Variants in EPHA5 observed in about 807,000 individuals in gnomAD.
EPHA5 encodes EPH receptor A5.
In EPHA5, 60 loss-of-function variants were observed where a neutral mutation model predicts 105.0. That is an observed-to-expected ratio of 0.57 (90% CI 0.46 to 0.71). The LOEUF (loss-of-function observed/expected upper bound fraction) is 0.71. Among genes scored for constraint, EPHA5 ranks in the 30% least tolerant of loss-of-function variants. The probability of loss-of-function intolerance (pLI) is 0.00; values close to 1 mark genes in which losing one functional copy is unlikely to be tolerated. For synonymous variants in EPHA5, 513 were observed against 449.1 expected, an observed-to-expected ratio of 1.14 and a Z score of -1.80; for missense variants, 1,218 against 1,274.7, an observed-to-expected ratio of 0.96 and a Z score of 0.68.
intron 2 of EPHA5, among the ~76,000 whole-genome samples, chr4:65,624,584 G>C (rs1745974596): frequency 6.6e-6 from 1 of 151,992 alleles, no homozygotes; most frequent in African/African-American, 2.4e-5. Flanking sequence ...TCATTCATAA[G>C]GAACATTAAA....
intron 1 of EPHA5, among the ~76,000 whole-genome samples, chr4:65,668,243 C>A (rs1467656242): frequency 6.6e-6 from 1 of 152,120 alleles, no homozygotes; most frequent in African/African-American, 2.4e-5. Context: ...ATCAGCTCAG[C>A]GCCTTCTCCT....
At chr4:65,505,137 A>C (rs1273022828) in intron 3 of EPHA5, among the ~76,000 whole-genome samples, 3 of 152,102 alleles carry the variant, frequency 2.0e-5, no homozygotes, top group African/African-American at 7.2e-5. Flanking sequence ...AATTGGAAAG[A>C]AGTATTTCTG....
intron 5 of EPHA5, among the ~76,000 whole-genome samples, chr4:65,435,888 T>TA (rs1302747174): frequency 2.0e-5 from 3 of 152,094 alleles, no homozygotes; most frequent in African/African-American, 4.8e-5. Context: ...CATCTCCAAT[T>TA]AAATACCTGC....
rs1036039120 is a variant in EPHA5 at position 65,404,616 on chromosome 4, C to T, written c.1688-137G>A. The T allele has an allele frequency of 2.1e-5, 14 of 657,308 alleles. No individual in the cohort carries two copies. In the African/African-American group the frequency reaches 2.2e-4, roughly 10 times the overall value. 40.7% of individuals were successfully genotyped at this position (657,308 alleles called of 1,614,324 possible). A position where few individuals can be genotyped will look rare whatever the true frequency, so the allele number is the denominator to read the frequency against. On this transcript the variant is annotated intron_variant, in intron 7 of 16. Transcript: ENST00000613740. ...CTTAGCTGAAATTTCCCCTAATATC[C>T]TTTCTTAAAAGTGTGTAATTGAAAA...
rs1183115662 is a variant in EPHA5 at position 65,519,525 on chromosome 4, C to A, written c.911-23982G>T. Among the ~76,000 whole-genome samples, 3 of 152,038 alleles carry A rather than the reference C, an allele frequency of 2.0e-5. No homozygotes were observed. The East Asian group carries it at 5.8e-4, about 30-fold the overall frequency. ...TCAACATAGTGTTGGAAGTTCTGGC[C>A]AGGGCAATTAGGCAGGAGAAGGAAA... On this transcript the variant is annotated intron_variant, in intron 3 of 16. Transcript: ENST00000613740.
At chr4:65,466,387 A>G (rs1451855305) in intron 5 of EPHA5, among the ~76,000 whole-genome samples, 1 of 152,246 alleles carries the variant, frequency 6.6e-6, no homozygotes, top group Non-Finnish European at 1.5e-5. Context: ...TTGGGAGACG[A>G]GGTCAGTCAA....
At chr4:65,375,746 G>A (rs1005172559) in intron 8 of EPHA5, among the ~76,000 whole-genome samples, 1 of 150,384 alleles carries the variant, frequency 6.6e-6, no homozygotes, top group African/African-American at 2.4e-5. Flanking sequence ...ACAATTCAAT[G>A]ACCATTTTTA....
At chr4:65,627,890 G>T (rs1280190108) in intron 2 of EPHA5, among the ~76,000 whole-genome samples, 1 of 151,842 alleles carries the variant, frequency 6.6e-6, no homozygotes, top group Non-Finnish European at 1.5e-5. Flanking sequence ...TTTCAAATCA[G>T]TCAAAAAAAT....
At chr4:65,559,086 A>G (rs1246584289) in intron 3 of EPHA5, among the ~76,000 whole-genome samples, 7 of 152,150 alleles carry the variant, frequency 4.6e-5, no homozygotes, top group Non-Finnish European at 1.0e-4. Flanking sequence ...CAAAATTAAG[A>G]AAAGTAAACA....
Position 65,394,075 on chromosome 4 carries a change from T to C in EPHA5, c.1793+10299A>G, listed in dbSNP as rs375289832. On this transcript the variant is annotated intron_variant, in intron 8 of 16. Coordinates refer to ENST00000613740, the MANE Select transcript of EPHA5 (RefSeq NM_001281766.3). ...GGGTTCACAAAGTCAGGAATGACCA[T>C]GGAGTTGGTGACATTTAATTTGCAT... 7.2e-5 allele frequency among the ~76,000 whole-genome samples: 11 copies of C among 152,296 alleles called. 1 individual carries two copies. The South Asian group carries it at 2.1e-3, about 29-fold the overall frequency.
At chr4:65,501,780 G>A (rs540940466) in intron 3 of EPHA5, among the ~76,000 whole-genome samples, 26 of 149,654 alleles carry the variant, frequency 1.7e-4, no homozygotes, top group Non-Finnish European at 2.8e-4. Flanking sequence ...AACAAAATGC[G>A]CCCAAATAGC....
At chr4:65,378,977 C>T (rs11726788) in intron 8 of EPHA5, among the ~76,000 whole-genome samples, 10,268 of 151,824 alleles carry the variant, frequency 0.068, 706 homozygotes, top group African/African-American at 0.17. Context: ...TGAACAATTA[C>T]TGGTTGTTAA....
At chr4:65,666,098 C>CT (rs200873560) in intron 1 of EPHA5, among the ~76,000 whole-genome samples, 129 of 151,750 alleles carry the variant, frequency 8.5e-4, no homozygotes, top group East Asian at 2.7e-3. Flanking sequence ...CTAAAACAAA[C>CT]TTTTTTTTTC....
chr4:65,372,113 A>C (rs1718536661), intron 8 of EPHA5, among the ~76,000 whole-genome samples: 1 of 152,010 alleles, frequency 6.6e-6, no homozygotes, highest in Non-Finnish European at 1.5e-5. Flanking sequence ...GTGTTCTGAC[A>C]TAACAAGGAC....
At chr4:65,395,207 C>T (rs1002105354) in intron 8 of EPHA5, among the ~76,000 whole-genome samples, 1 of 152,162 alleles carries the variant, frequency 6.6e-6, no homozygotes, top group East Asian at 1.9e-4. Context: ...CATGAAGGGA[C>T]AGATTCCAAT....
At chr4:65,399,445 T>C (rs535837556) in intron 8 of EPHA5, among the ~76,000 whole-genome samples, 1 of 152,250 alleles carries the variant, frequency 6.6e-6, no homozygotes, top group East Asian at 1.9e-4. Context: ...AGAACGAGCC[T>C]AACAGGCCTG....
intron 8 of EPHA5, among the ~76,000 whole-genome samples, chr4:65,382,932 G>T (rs1468322748): frequency 6.6e-6 from 1 of 151,214 alleles, no homozygotes; most frequent in Admixed American, 6.6e-5. Flanking sequence ...TTAATGGCCT[G>T]CATGTAAGCA....
intron 12 of EPHA5, among the ~76,000 whole-genome samples, chr4:65,352,262 C>A (rs1221074811): frequency 3.3e-5 from 5 of 151,986 alleles, no homozygotes; most frequent in African/African-American, 4.8e-5. Flanking sequence ...AAAAATTTGA[C>A]TTTTCAGTGG....
At chr4:65,333,999 C>G (rs941180821) in intron 15 of EPHA5, among the ~76,000 whole-genome samples, 2 of 151,828 alleles carry the variant, frequency 1.3e-5, no homozygotes, top group Admixed American at 1.3e-4. Flanking sequence ...CAGCCGACCA[C>G]TTCTCTCCCA....
Sources: allele counts gnomAD v4.1 joint callset (sites outside exome capture counted in the v4.1 genomes callset), GRCh38; gene constraint gnomAD v4.1.1; transcripts MANE v1.5; gene names NCBI Gene and HGNC (gene_info 2026-07-23, HGNC 2026-07-21).